CDH26: variants seen among roughly 807,000 people sequenced by gnomAD.
The protein encoded by CDH26 is cadherin 26.
Under a neutral mutation model 90.3 loss-of-function variants are expected in CDH26, and 83 were observed. That is an observed-to-expected ratio of 0.92 (90% CI 0.77 to 1.10). The LOEUF is 1.10. CDH26 is among the 50% of genes least tolerant of loss of function. The pLI is 0.00. For synonymous variants in CDH26, 397 were observed against 396.3 expected, an observed-to-expected ratio of 1.00 and a Z score of -0.02; for missense variants, 1,013 against 1,037.6, an observed-to-expected ratio of 0.98 and a Z score of 0.33.
chr20:59,995,488 C>T (rs934899571), intron 11 of CDH26, among the ~76,000 whole-genome samples: 4 of 152,214 alleles, frequency 2.6e-5, no homozygotes, highest in Non-Finnish European at 2.9e-5. Flanking sequence ...TGATGAGAAG[C>T]TCTGCTACTG....
intron 4 of CDH26, among the ~76,000 whole-genome samples, chr20:59,978,743 T>C (rs889275486): frequency 3.9e-5 from 6 of 152,132 alleles, no homozygotes; most frequent in African/African-American, 7.2e-5. Context: ...ATGAAAAATC[T>C]CACCCCACCC....
Position 60,013,975 on chromosome 20 carries a change from C to T in CDH26, c.*1245C>T, listed in dbSNP as rs1000306133. 6.6e-6 allele frequency: 1 copy of T among 151,530 alleles called. No individual in the cohort carries two copies. Among genetic ancestry groups the T allele is most frequent in the African/African-American group, 2.4e-5 (1 of 41,284 alleles). The allele number at this position is 151,530 out of a possible 1,614,324, so 9.4% of individuals were successfully genotyped here. On this transcript the variant is annotated 3_prime_UTR_variant, in exon 18 of 18. Transcript: ENST00000348616. ...ACTGATCCTAGCATGACTCAGAGGA[C>T]AGTCTAGGGCATTTTCTGGGTAATT...
chr20:59,979,193 C>T (rs1346399538), intron 4 of CDH26, among the ~76,000 whole-genome samples: 2 of 143,590 alleles, frequency 1.4e-5, no homozygotes, highest in East Asian at 4.2e-4. Context: ...GTTTCTTCTT[C>T]TTCTATTTTT....
chr20:59,983,183 C>T, intron 5 of CDH26, 113 bp downstream of exon 5: 1 of 1,267,446 alleles, frequency 7.9e-7, no homozygotes, highest in Non-Finnish European at 1.1e-6. Flanking sequence ...TTTTACTGTT[C>T]ACATCTCAAA....
intron 6 of CDH26, 72 bp from the exon 7 acceptor site, chr20:59,984,929 C>A: frequency 6.4e-7 from 1 of 1,573,476 alleles, no homozygotes; most frequent in South Asian, 1.2e-5. Context: ...AATTCCTAAA[C>A]AGAATATTTC....
intron 4 of CDH26, among the ~76,000 whole-genome samples, chr20:59,977,008 G>T (rs570141937): frequency 3.3e-5 from 5 of 152,102 alleles, no homozygotes; most frequent in African/African-American, 1.2e-4. Flanking sequence ...GGCGGAAGGT[G>T]CAGTCTTGAT....
Position 60,012,742 on chromosome 20 carries a change from T to C in CDH26, c.*12T>C. ...GTGTTCCTTCCTAAAAAAAAAAGTC[T>C]ATTTTGGAGAATTGAAATAATTCAT... On this transcript the variant is annotated 3_prime_UTR_variant, in exon 18 of 18. Transcript: ENST00000348616. 2 of 1,607,402 alleles carry C rather than the reference T, an allele frequency of 1.2e-6. No homozygotes were observed. Among genetic ancestry groups the C allele is most frequent in the Non-Finnish European group, 1.7e-6 (2 of 1,175,072 alleles).
chr20:60,015,889 C>G (rs2061901513), downstream of CDH26, among the ~76,000 whole-genome samples: 1 of 152,162 alleles, frequency 6.6e-6, no homozygotes, highest in Admixed American at 6.5e-5. Flanking sequence ...CTATCTTTTC[C>G]TCAATGAATG....
chr20:59,988,504 G>C (rs1402600811), intron 8 of CDH26, among the ~76,000 whole-genome samples: 1 of 152,152 alleles, frequency 6.6e-6, no homozygotes, highest in Non-Finnish European at 1.5e-5. Context: ...AATATTCCCA[G>C]GCTTTCAATC....
At chr20:59,961,872 G>A (rs1002180762) in intron 1 of CDH26, among the ~76,000 whole-genome samples, 2 of 152,182 alleles carry the variant, frequency 1.3e-5, no homozygotes, top group African/African-American at 4.8e-5. Flanking sequence ...TCAAAGACCA[G>A]AGAAGAGGGA....
chr20:60,031,487 G>T, intron 8 of CDH26: 1 of 1,046,254 alleles, frequency 9.6e-7, no homozygotes, highest in South Asian at 3.0e-5. Flanking sequence ...ATTCAGTTAT[G>T]AATTCAGGCG....
rs540039477 is a variant in CDH26, at chr20:59,998,824, G to A, written c.2020-762G>A. On this transcript the variant is annotated intron_variant, in intron 13 of 17. Coordinates refer to ENST00000348616, the MANE Select transcript of CDH26 (RefSeq NM_177980.4). ...ACATGTAAAATTTTCAGCACTAAGA[G>A]TCATGCAATAAAGGGTGGCCGCCAA... 3.9e-4 allele frequency among the ~76,000 whole-genome samples: 59 copies of A among 152,274 alleles called. 1 individual carries two copies. The highest frequency in any genetic ancestry group is 8.7e-4 in the Non-Finnish European group (59 of 68,032).
At chr20:59,976,160 TC>T (rs1378429780) in intron 4 of CDH26, among the ~76,000 whole-genome samples, 1 of 152,222 alleles carries the variant, frequency 6.6e-6, no homozygotes, top group African/African-American at 2.4e-5. Flanking sequence ...CTGAAGGTGT[TC>T]CTATGTGCTC....
chr20:59,984,540 G>C (rs2061429278), intron 5 of CDH26, 99 bp from the exon 6 acceptor site: 1 of 827,598 alleles, frequency 1.2e-6, no homozygotes, highest in Non-Finnish European at 1.9e-6. Context: ...CACTCATTTT[G>C]GTATATGCCC....
downstream of CDH26, among the ~76,000 whole-genome samples, chr20:60,034,862 G>A (rs1040237885): frequency 6.6e-6 from 1 of 152,204 alleles, no homozygotes; most frequent in African/African-American, 2.4e-5. Context: ...GGAGGCTCCG[G>A]CACAGGTGGG....
intron 17 of CDH26, among the ~76,000 whole-genome samples, chr20:60,009,551 C>A (rs1375075891): frequency 6.6e-6 from 1 of 152,188 alleles, no homozygotes; most frequent in Non-Finnish European, 1.5e-5. Context: ...CGCGGGCCCC[C>A]CTCCTCCCTC....
chr20:59,959,225 A>G (rs976970653), intron 1 of CDH26, among the ~76,000 whole-genome samples: 6 of 151,976 alleles, frequency 3.9e-5, no homozygotes, highest in Admixed American at 1.3e-4. Context: ...CTCAGCCTCA[A>G]GAGTAGCTGG....
Position 60,005,476 on chromosome 20 carries a change from A to G in CDH26, c.2221-1237A>G, listed in dbSNP as rs184341062. Among the ~76,000 whole-genome samples the G allele has an allele frequency of 3.9e-3, 546 of 138,362 alleles. 1 individual carries two copies. Among genetic ancestry groups the G allele is most frequent in the Non-Finnish European group, 4.3e-3 (276 of 64,930 alleles). 90.8% of individuals were successfully genotyped at this position (138,362 alleles called of 152,430 possible). A position where few individuals can be genotyped will look rare whatever the true frequency, so the allele number is the denominator to read the frequency against. ...TGTCTGTATATGTGCATGTGTATAT[A>G]TCTGTATGTATGTATGTATGTATGT... On this transcript the variant is annotated intron_variant, in intron 16 of 17. Transcript: ENST00000348616.
intron 3 of CDH26, among the ~76,000 whole-genome samples, chr20:59,970,486 C>CTT (rs565962791): frequency 0.072 from 10,104 of 141,274 alleles, 801 homozygotes; most frequent in African/African-American, 0.2. Context: ...CATGCAGAGG[C>CTT]TTTTTTTTTT....
Sources: gnomAD v4.1 joint callset for allele counts (sites outside exome capture counted in the v4.1 genomes callset) on GRCh38, gnomAD v4.1.1 for gene constraint, MANE v1.5 for transcripts, NCBI Gene and HGNC (gene_info 2026-07-23, HGNC 2026-07-21) for gene names.